FER: variants seen among roughly 807,000 people sequenced by gnomAD.
The protein encoded by FER is FER tyrosine kinase, also known as tyrosine-protein kinase Fer.
A neutral mutation model predicts 111.0 loss-of-function variants in FER; 63 were observed. That is an observed-to-expected ratio of 0.57 (90% CI 0.46 to 0.70). The LOEUF (loss-of-function observed/expected upper bound fraction) is 0.70, where lower values mean the gene tolerates loss of function less well. FER is among the 30% of genes least tolerant of loss of function. The probability of loss-of-function intolerance (pLI) is 0.00; values close to 1 mark genes in which losing one functional copy is unlikely to be tolerated. For synonymous variants in FER, 327 were observed against 313.9 expected (o/e 1.04, Z -0.44); for missense variants, 914 against 954.0 (o/e 0.96, Z 0.55).
intron 16 of FER, chr5:109,051,666 A>T: frequency 6.3e-7 from 1 of 1,575,754 alleles, no homozygotes; most frequent in South Asian, 1.1e-5. Flanking sequence ...TGAAATAAGC[A>T]TATTTTTGAG....
At chr5:108,868,450 T>G (rs1764289256) in intron 6 of FER, among the ~76,000 whole-genome samples, 1 of 152,116 alleles carries the variant, frequency 6.6e-6, no homozygotes. Context: ...CTTGCCTTCT[T>G]GATCTAACAG....
intron 5 of FER, among the ~76,000 whole-genome samples, chr5:108,859,270 A>T (rs1015431917): frequency 6.6e-6 from 1 of 152,178 alleles, no homozygotes; most frequent in African/African-American, 2.4e-5. Context: ...TTTCACAAGT[A>T]GAGCAGACCT....
chr5:109,153,947 G>A (rs1755107914), intron 17 of FER, among the ~76,000 whole-genome samples: 1 of 151,842 alleles, frequency 6.6e-6, no homozygotes, highest in African/African-American at 2.4e-5. Context: ...AACACAGAAA[G>A]AATCAAGTGG....
At chr5:108,986,734 T>G (rs111602381) in intron 13 of FER, among the ~76,000 whole-genome samples, 17,224 of 152,144 alleles carry the variant, frequency 0.11, 1,084 homozygotes, top group Middle Eastern at 0.16. Context: ...TTTGTTTGCT[T>G]TGTTGAAGAT....
At chr5:108,857,171 T>C (rs1405847032) in intron 5 of FER, among the ~76,000 whole-genome samples, 2 of 152,160 alleles carry the variant, frequency 1.3e-5, no homozygotes, top group African/African-American at 4.8e-5. Context: ...TGTGTGTGTA[T>C]GTGTAAATAT....
intron 16 of FER, among the ~76,000 whole-genome samples, chr5:109,068,613 T>A (rs1775405664): frequency 6.6e-6 from 1 of 152,232 alleles, no homozygotes; most frequent in Non-Finnish European, 1.5e-5. Flanking sequence ...CACTGTGGCT[T>A]TGGAACCATA....
At chr5:108,976,265 TCTTTC>T (rs1277298312) in intron 13 of FER, among the ~76,000 whole-genome samples, 2 of 152,202 alleles carry the variant, frequency 1.3e-5, no homozygotes, top group Non-Finnish European at 2.9e-5. Flanking sequence ...CATCTACTTC[TCTTTC>T]CTTTAGGATC....
At chr5:108,885,113 T>C (rs919914630) in intron 9 of FER, among the ~76,000 whole-genome samples, 1 of 151,932 alleles carries the variant, frequency 6.6e-6, no homozygotes, top group East Asian at 1.9e-4. Flanking sequence ...CCCTAAGTGA[T>C]CTGGTGAAGA....
intron 10 of FER, among the ~76,000 whole-genome samples, chr5:108,905,951 T>C (rs1750699068): frequency 1.3e-5 from 2 of 152,154 alleles, no homozygotes; most frequent in African/African-American, 4.8e-5. Context: ...GTTACAGAGA[T>C]AATGACTAAT....
intron 13 of FER, among the ~76,000 whole-genome samples, chr5:108,968,448 T>C (rs1051153785): frequency 6.6e-5 from 10 of 152,300 alleles, no homozygotes; most frequent in Admixed American, 5.9e-4. Flanking sequence ...ATTCTAAGGC[T>C]GTATTCCTTG....
rs558047984 is a variant in FER at position 108,863,276 on chromosome 5, C to G, written c.482-4491C>G. On this transcript the variant is annotated intron_variant, in intron 5 of 19. Transcript: ENST00000281092. ...CTGGGACCACAGGCATGCACCACCA[C>G]ACCTGGCTACTTGTTTTGTATTTTA... 2.0e-5 allele frequency among the ~76,000 whole-genome samples: 3 copies of G among 152,120 alleles called. No individual in the cohort carries two copies. In the East Asian group the frequency reaches 5.8e-4, roughly 29 times the overall value.
chr5:108,859,122 A>G (rs1763273677), intron 5 of FER, among the ~76,000 whole-genome samples: 1 of 152,188 alleles, frequency 6.6e-6, no homozygotes, highest in African/African-American at 2.4e-5. Flanking sequence ...CTAGAAATGT[A>G]TGAATGTTTT....
At chr5:108,918,627 C>T (rs1240549420) in intron 10 of FER, among the ~76,000 whole-genome samples, 2 of 152,002 alleles carry the variant, frequency 1.3e-5, no homozygotes, top group East Asian at 1.9e-4. Context: ...GCTGGGACTA[C>T]AGGCCCCCGC....
intron 13 of FER, among the ~76,000 whole-genome samples, chr5:109,024,436 A>G (rs79926542): frequency 0.045 from 6,910 of 152,206 alleles, 249 homozygotes; most frequent in South Asian, 0.11. Flanking sequence ...AGCAGTGGAG[A>G]GAGGTCCTTG....
At chr5:109,034,425 G>T (rs1316471248) in intron 13 of FER, among the ~76,000 whole-genome samples, 3 of 151,914 alleles carry the variant, frequency 2.0e-5, no homozygotes, top group African/African-American at 7.3e-5. Context: ...TGGTATGTTT[G>T]GGGTTTATTA....
intron 5 of FER, among the ~76,000 whole-genome samples, chr5:108,866,777 T>TGAGTCTGAGTCTGAGTCTGAG (rs1764112358): frequency 1.3e-5 from 2 of 152,176 alleles, no homozygotes; most frequent in Non-Finnish European, 2.9e-5. Flanking sequence ...ACAGTTTATT[T>TGAGTCTGAGTCTGAGTCTGAG]TCTGAGTCTA....
At chr5:109,182,521 A>G (rs969970550) in intron 18 of FER, among the ~76,000 whole-genome samples, 3 of 152,200 alleles carry the variant, frequency 2.0e-5, no homozygotes, top group African/African-American at 7.2e-5. Flanking sequence ...AGGATAAAAG[A>G]TAGATTATAA....
At chr5:108,918,013 A>G (rs1290348590) in intron 10 of FER, among the ~76,000 whole-genome samples, 2 of 152,224 alleles carry the variant, frequency 1.3e-5, no homozygotes. Flanking sequence ...AAATATAAAT[A>G]TAAAATAAAA....
At chr5:108,839,702 G>C (rs1348308794) in intron 5 of FER, among the ~76,000 whole-genome samples, 1 of 150,010 alleles carries the variant, frequency 6.7e-6, no homozygotes, top group East Asian at 2.0e-4. Flanking sequence ...CTCAGCCTCT[G>C]GAGTAGCTGG....
Sources: allele counts gnomAD v4.1 joint callset (sites outside exome capture counted in the v4.1 genomes callset), GRCh38; gene constraint gnomAD v4.1.1; transcripts MANE v1.5; gene names NCBI Gene and HGNC (gene_info 2026-07-23, HGNC 2026-07-21).